Variants in DCX observed in about 807,000 individuals in gnomAD.
DCX encodes neuronal migration protein doublecortin.
A neutral mutation model predicts 20.9 loss-of-function variants in DCX; 4 were observed. That is an observed-to-expected ratio of 0.19 (90% confidence interval 0.09 to 0.44). The LOEUF is 0.44. Among genes scored for constraint, DCX ranks in the 20% least tolerant of loss-of-function variants. The probability of loss-of-function intolerance (pLI) is 0.99; values close to 1 mark genes in which losing one functional copy is unlikely to be tolerated. For synonymous variants in DCX, 103 were observed against 111.4 expected (o/e 0.92, Z 0.47); for missense variants, 133 against 296.9 (o/e 0.45, Z 4.06).
intron 6 of DCX, among the ~76,000 whole-genome samples, chrX:111,310,326 C>A (rs1235239031): frequency 1.8e-5 from 2 of 109,354 alleles, no homozygotes; most frequent in Non-Finnish European, 3.8e-5. Flanking sequence ...GAGCGAGACT[C>A]CATCTCAAAA....
intron 3 of DCX, among the ~76,000 whole-genome samples, chrX:111,382,227 A>C (rs148298894): frequency 0.034 from 3,815 of 111,632 alleles, 176 homozygotes; most frequent in African/African-American, 0.12. Context: ...TCACCTAGGA[A>C]CTTGTTAAAA....
At chrX:111,406,033 T>C (rs1057215471) in intron 2 of DCX, among the ~76,000 whole-genome samples, 2 of 112,414 alleles carry the variant, frequency 1.8e-5, no homozygotes, top group East Asian at 5.6e-4. Context: ...GAAAACACAG[T>C]GTGTTCTATG....
chrX:111,394,256 C>A (rs1310690881), intron 3 of DCX, among the ~76,000 whole-genome samples: 4 of 111,567 alleles, frequency 3.6e-5, no homozygotes, highest in Non-Finnish European at 5.7e-5. Flanking sequence ...CCACATGATT[C>A]CATTATTATT....
At chrX:111,335,509 C>T (rs1209604292) in intron 3 of DCX, among the ~76,000 whole-genome samples, 1 of 112,251 alleles carries the variant, frequency 8.9e-6, no homozygotes, top group Non-Finnish European at 1.9e-5. Flanking sequence ...TGGCAGACAA[C>T]GGAGATTAGC....
In DCX at chrX:111,333,140, T is replaced by C; in HGVS notation, c.719A>G (p.His240Arg). ...CACATCATCATCACCAAAGAAATCA[T>C]GGAGACAAGTTACCTATGGAGAAAG... The part of the protein sequence containing the change: ...TLDGKQVTCL[H>R]DFFGDDDVFI... Residue 240 changes from histidine to arginine, a missense_variant, in exon 4 of 7, where the codon CAT becomes CGT. His to Arg is a conservative substitution (Grantham distance 29, BLOSUM62 0). Coordinates refer to ENST00000636035, the MANE Select transcript of DCX (RefSeq NM_001195553.2). 8.3e-7 allele frequency: 1 copy of C among 1,204,766 alleles called. No individual in the cohort carries two copies. The highest frequency in any genetic ancestry group is 1.1e-6 in the Non-Finnish European group (1 of 889,588).
intron 5 of DCX, among the ~76,000 whole-genome samples, chrX:111,317,049 T>G (rs1332669848): frequency 8.9e-6 from 1 of 112,287 alleles, no homozygotes; most frequent in Non-Finnish European, 1.9e-5. Flanking sequence ...ACCAATGACA[T>G]TCTTCACAGA....
rs1341205375 is a variant in DCX, at chrX:111,295,181, T to C, written c.*6506A>G. The stretch of plus-strand genomic sequence containing the variant: ...TGGATAACTTATAAAGAAAAGTCAT[T>C]GTAAATTTTGGCATTCCATATGGTA... On this transcript the variant is annotated 3_prime_UTR_variant, in exon 7 of 7. Coordinates refer to ENST00000636035, the MANE Select transcript of DCX (RefSeq NM_001195553.2). 2.7e-5 allele frequency: 3 copies of C among 112,010 alleles called. No homozygotes were observed. The highest frequency in any genetic ancestry group is 5.6e-4 in the East Asian group (2 of 3,557). The allele number at this position is 112,010 out of a possible 1,213,427, so 9.2% of individuals were successfully genotyped here. A position where few individuals can be genotyped will look rare whatever the true frequency, so the allele number is the denominator to read the frequency against.
intron 6 of DCX, among the ~76,000 whole-genome samples, chrX:111,305,621 C>CTT (rs56219121): frequency 1.3e-4 from 12 of 94,758 alleles, no homozygotes; most frequent in African/African-American, 3.1e-4. Context: ...TATATTTGAC[C>CTT]TTTTTTTTTT....
intron 3 of DCX, among the ~76,000 whole-genome samples, chrX:111,387,355 C>T (rs776518405): frequency 9.0e-6 from 1 of 111,263 alleles, no homozygotes; most frequent in South Asian, 3.8e-4. Context: ...GGAAGAGATC[C>T]ACAAAGGCAA....
chrX:111,333,233 G>A, intron 3 of DCX, 80 bp from the exon 4 acceptor site: 2 of 760,375 alleles, frequency 2.6e-6, no homozygotes, highest in Admixed American at 2.4e-5. Flanking sequence ...AAGGAGAAAA[G>A]CTTCCCATCT....
chrX:111,374,151 G>A, intron 3 of DCX, among the ~76,000 whole-genome samples: 1 of 111,855 alleles, frequency 8.9e-6, no homozygotes, highest in East Asian at 2.8e-4. Context: ...GGATGCACAG[G>A]AGCTTGCTCC....
At chrX:111,312,169 AC>A (rs1390526833) in intron 6 of DCX, among the ~76,000 whole-genome samples, 2 of 112,822 alleles carry the variant, frequency 1.8e-5, no homozygotes, top group African/African-American at 6.4e-5. Context: ...TGAAAAGTGC[AC>A]AGCAAAAGTA....
intron 6 of DCX, 147 bp downstream of exon 6, chrX:111,312,492 G>T: frequency 1.9e-6 from 1 of 515,619 alleles, no homozygotes; most frequent in Non-Finnish European, 3.3e-6. Flanking sequence ...CTCCCTGCTT[G>T]GATTCGCAGA....
intron 3 of DCX, among the ~76,000 whole-genome samples, chrX:111,377,197 G>C (rs1488309966): frequency 8.9e-6 from 1 of 111,786 alleles, no homozygotes; most frequent in African/African-American, 3.2e-5. Flanking sequence ...AAAATCAGCA[G>C]CAGCTAAACT....
chrX:111,294,776 A>T lies in DCX; in HGVS notation c.*6911T>A, dbSNP rs763989337. The T allele has an allele frequency of 1.8e-5, 2 of 112,004 alleles. No individual in the cohort carries two copies. The highest frequency in any genetic ancestry group is 3.8e-5 in the Non-Finnish European group (2 of 53,218). The allele number at this position is 112,004 out of a possible 1,213,427, so 9.2% of individuals were successfully genotyped here. ...TAAAACGAGTTAAGAAATGTGATGT[A>T]CAATACCATGCATTTACTCTCCAAA... On this transcript the variant is annotated 3_prime_UTR_variant, in exon 7 of 7. Transcript: ENST00000636035.
intron 3 of DCX, among the ~76,000 whole-genome samples, chrX:111,376,100 C>T (rs1176822121): frequency 8.9e-6 from 1 of 112,046 alleles, no homozygotes; most frequent in East Asian, 2.8e-4. Context: ...TAGGAAGAAT[C>T]AGGAATGAGC....
At position 111,296,634 on chromosome X, in the gene DCX, G is replaced by T. The variant is rs994888072; in HGVS notation, c.*5053C>A. On this transcript the variant is annotated 3_prime_UTR_variant, in exon 7 of 7. Transcript: ENST00000636035. ...AAAATAGCCAGATTTGGTGGCGCAC[G>T]CCTGTAATCCCAGCTACTCGGGAGA... is the stretch of plus-strand genomic sequence containing the variant. 2 of 109,842 alleles carry T rather than the reference G, an allele frequency of 1.8e-5. No individual in the cohort carries two copies. Among genetic ancestry groups the T allele is most frequent in the Non-Finnish European group, 3.8e-5 (2 of 52,762 alleles). The allele number at this position is 109,842 out of a possible 1,213,427, so 9.1% of individuals were successfully genotyped here.
chrX:111,338,749 A>T (rs1921963995), intron 3 of DCX, among the ~76,000 whole-genome samples: 1 of 108,360 alleles, frequency 9.2e-6, no homozygotes, highest in Non-Finnish European at 1.9e-5. Flanking sequence ...ACTTCCCTAA[A>T]ATCTGTGCTG....
intron 6 of DCX, 56 bp downstream of exon 6, chrX:111,312,583 C>G (rs2095060032): frequency 1.7e-6 from 2 of 1,144,042 alleles, no homozygotes; most frequent in East Asian, 6.0e-5. Context: ...AAAACCTTCA[C>G]CAAGCCATTC....
Sources: gnomAD v4.1 joint callset for allele counts (sites outside exome capture counted in the v4.1 genomes callset) on GRCh38, gnomAD v4.1.1 for gene constraint, MANE v1.5 for transcripts, NCBI Gene and HGNC (gene_info 2026-07-23, HGNC 2026-07-21) for gene names.